The following NTN4 variants were observed in gnomAD, a reference collection of about 807,000 sequenced individuals.
The protein encoded by NTN4 is netrin-4.
NTN4 carries 32 observed loss-of-function variants against 73.6 expected under a neutral mutation model. That is an observed-to-expected ratio of 0.44 (90% CI 0.33 to 0.58). The LOEUF (loss-of-function observed/expected upper bound fraction) is 0.58, where lower values mean the gene tolerates loss of function less well. Ranked by LOEUF, NTN4 falls within the 20% of genes least tolerant of loss-of-function variation. NTN4 has a pLI of 0.04. For missense variants in NTN4, 654 were observed against 798.3 expected (o/e 0.82, Z 2.18); for synonymous variants, 258 against 287.5 (o/e 0.90, Z 1.04).
At chr12:95,675,698 AGAAAT>A (rs1458411901) in intron 7 of NTN4, among the ~76,000 whole-genome samples, 2 of 152,248 alleles carry the variant, frequency 1.3e-5, no homozygotes, top group East Asian at 3.8e-4. Context: ...AAGAAAGAAA[AGAAAT>A]GAATGAATGT....
intron 7 of NTN4, chr12:95,673,111 C>A: frequency 9.5e-7 from 1 of 1,050,832 alleles, no homozygotes; most frequent in Non-Finnish European, 1.4e-6. Context: ...ACCCTCCTTG[C>A]CTGGTGTGTC....
intron 8 of NTN4, 149 bp from the exon 9 acceptor site, chr12:95,666,129 T>C (rs1470288464): frequency 1.6e-6 from 1 of 624,814 alleles, no homozygotes; most frequent in East Asian, 2.9e-5. Flanking sequence ...GGCATTAACT[T>C]GGATGGAGTT....
At chr12:95,678,640 T>G (rs9788093) in intron 7 of NTN4, among the ~76,000 whole-genome samples, 54,862 of 151,738 alleles carry the variant, frequency 0.36, 10,009 homozygotes, top group African/African-American at 0.38. Context: ...AAATGATGCA[T>G]GAGAACTACA....
intron 2 of NTN4, among the ~76,000 whole-genome samples, chr12:95,755,293 T>C (rs1236506826): frequency 6.6e-6 from 1 of 152,192 alleles, no homozygotes; most frequent in African/African-American, 2.4e-5. Flanking sequence ...TGTATCCTAG[T>C]ATGTTCTGAA....
intron 2 of NTN4, among the ~76,000 whole-genome samples, chr12:95,753,786 C>T (rs866456607): frequency 0.024 from 3,578 of 151,168 alleles, 113 homozygotes; most frequent in African/African-American, 0.083. Flanking sequence ...CCTCAGAATG[C>T]TACAAGGTAC....
chr12:95,784,520 G>A (rs1343278156), intron 2 of NTN4, among the ~76,000 whole-genome samples: 1 of 152,154 alleles, frequency 6.6e-6, no homozygotes, highest in African/African-American at 2.4e-5. Flanking sequence ...TGTAATCCCA[G>A]CACTTTGGCA....
chr12:95,710,601 G>A lies in NTN4; in HGVS notation c.1020C>T (p.Thr340=), dbSNP rs2078557843. Reference sequence around the variant, plus strand: ...CCCACACATTAACGTCGAAGTGACAGGTATCAGCATGCCCATTACACTTGC... The same window carrying A: ...CCCACACATTAACGTCGAAGTGACAAGTATCAGCATGCCCATTACACTTGC... ...RTCKCNGHAD[T]CHFDVNVWEA... The change falls in exon 5 of 10, where the codon ACC becomes ACT. Residue 340 remains threonine, a synonymous_variant. Transcript: ENST00000343702. The A allele has an allele frequency of 6.2e-7, 1 of 1,613,908 alleles. No individual in the cohort carries two copies. The highest frequency in any genetic ancestry group is 1.1e-5 in the South Asian group (1 of 91,034).
chr12:95,696,039 C>G (rs1363000963), intron 5 of NTN4, among the ~76,000 whole-genome samples: 1 of 150,050 alleles, frequency 6.7e-6, no homozygotes, highest in East Asian at 2.0e-4. Context: ...TCCTTCCTTC[C>G]TTATTTTTCC....
At chr12:95,747,187 G>T (rs562239834) in intron 2 of NTN4, among the ~76,000 whole-genome samples, 1 of 65,560 alleles carries the variant, frequency 1.5e-5, no homozygotes, top group East Asian at 3.5e-4. Context: ...ATTTGAAAAA[G>T]AAAATATAAG....
chr12:95,683,730 G>C lies in NTN4; in HGVS notation c.1181-19C>G. Reference sequence around the variant, plus strand: ...GAACACGCTACAACAGAGAGGACACGCAAGGATCAAAGACTGACTGTAGAT... The same window carrying C: ...GAACACGCTACAACAGAGAGGACACCCAAGGATCAAAGACTGACTGTAGAT... On this transcript the variant is annotated intron_variant, in intron 5 of 9. Transcript: ENST00000343702. 5 of 1,569,288 alleles carry C rather than the reference G, an allele frequency of 3.2e-6. No homozygotes were observed. Among genetic ancestry groups the C allele is most frequent in the Non-Finnish European group, 4.3e-6 (5 of 1,153,820 alleles).
At chr12:95,696,209 T>C (rs1424098120) in intron 5 of NTN4, among the ~76,000 whole-genome samples, 1 of 152,102 alleles carries the variant, frequency 6.6e-6, no homozygotes, top group East Asian at 1.9e-4. Context: ...TCTGTCATGC[T>C]CCCCTTTTTT....
chr12:95,722,614 C>CCCA (rs1171321716), intron 3 of NTN4, among the ~76,000 whole-genome samples: 1 of 150,946 alleles, frequency 6.6e-6, no homozygotes, highest in East Asian at 2.0e-4. Flanking sequence ...CAGAGCCAGA[C>CCCA]CTTGTCTCGA....
intron 2 of NTN4, among the ~76,000 whole-genome samples, chr12:95,751,378 C>T (rs1246089797): frequency 2.0e-5 from 3 of 152,228 alleles, no homozygotes; most frequent in Non-Finnish European, 4.4e-5. Flanking sequence ...CTCCAGCACA[C>T]AAGAACTTCC....
intron 2 of NTN4, among the ~76,000 whole-genome samples, chr12:95,772,662 GTTGCA>G (rs1277259404): frequency 6.6e-6 from 1 of 152,170 alleles, no homozygotes; most frequent in Non-Finnish European, 1.5e-5. Flanking sequence ...GTAAATGGTC[GTTGCA>G]TTCTTCCAGG....
intron 3 of NTN4, among the ~76,000 whole-genome samples, chr12:95,719,665 G>T (rs771526234): frequency 1.3e-5 from 2 of 152,166 alleles, no homozygotes; most frequent in Non-Finnish European, 2.9e-5. Context: ...CCTTTGAATA[G>T]AAAGCATTGT....
chr12:95,712,743 A>G (rs2078573153), intron 4 of NTN4, among the ~76,000 whole-genome samples: 1 of 150,566 alleles, frequency 6.6e-6, no homozygotes, highest in South Asian at 2.1e-4. Flanking sequence ...CTGGGCTTAC[A>G]GGTGCACGCC....
chr12:95,734,614 G>A (rs545685106), intron 3 of NTN4, among the ~76,000 whole-genome samples: 6 of 152,304 alleles, frequency 3.9e-5, no homozygotes, highest in Admixed American at 1.3e-4. Flanking sequence ...TTCTACAGCC[G>A]TGTACATAAA....
At chr12:95,698,918 GTTATTTAATCTTT>G (rs1398992571) in intron 5 of NTN4, among the ~76,000 whole-genome samples, 1 of 149,566 alleles carries the variant, frequency 6.7e-6, no homozygotes, top group Non-Finnish European at 1.5e-5. Flanking sequence ...TTCAATATGT[GTTATTTAATCTTT>G]TTAAAGGATT....
chr12:95,658,986 G>T lies in NTN4; in HGVS notation c.*100C>A. ...GCATTCAAACATTTCTATATGTTTT[G>T]GCACTTTAAAAAATTCCAGTTTCCT... On this transcript the variant is annotated 3_prime_UTR_variant, in exon 10 of 10. Transcript: ENST00000343702. 1 of 1,047,334 alleles carries T rather than the reference G, an allele frequency of 9.5e-7. No individual in the cohort carries two copies. The highest frequency in any genetic ancestry group is 1.6e-5 in the South Asian group (1 of 60,806). The allele number at this position is 1,047,334 out of a possible 1,614,324, so 64.9% of individuals were successfully genotyped here.
Sources: gnomAD v4.1 joint callset for allele counts (sites outside exome capture counted in the v4.1 genomes callset) on GRCh38, gnomAD v4.1.1 for gene constraint, MANE v1.5 for transcripts, NCBI Gene and HGNC (gene_info 2026-07-23, HGNC 2026-07-21) for gene names.